AP2B1: variants seen among roughly 807,000 people sequenced by gnomAD.
AP2B1 encodes the protein adaptor related protein complex 2 subunit beta 1, also known as AP-2 complex subunit beta.
A neutral mutation model predicts 102.0 loss-of-function variants in AP2B1; 23 were observed. The observed-to-expected ratio is 0.23, with a 90% CI of 0.16 to 0.32. The LOEUF is 0.32. Among genes scored for constraint, AP2B1 ranks in the 10% least tolerant of loss-of-function variants. The pLI is 1.00. For missense variants in AP2B1, 541 were observed against 1,157.4 expected, an observed-to-expected ratio of 0.47 and a Z score of 7.73; for synonymous variants, 381 against 421.2, an observed-to-expected ratio of 0.90 and a Z score of 1.17.
intron 9 of AP2B1, 127 bp downstream of exon 9, chr17:35,627,853 T>G (rs2074359605): frequency 1.3e-6 from 1 of 750,630 alleles, no homozygotes; most frequent in Admixed American, 3.4e-5. Flanking sequence ...TAAAGAATTT[T>G]TAATGGAAAG....
Position 35,624,405 on chromosome 17 carries a change from T to G in AP2B1, c.534T>G (p.Ala178=), listed in dbSNP as rs1233582369. Residue 178 remains alanine, a synonymous_variant, in exon 6 of 22, where the codon GCT becomes GCG. Coordinates refer to ENST00000610402, the MANE Select transcript of AP2B1 (RefSeq NM_001030006.2). ...LIADSNPMVV[A]NAVAALSEIS... Reference sequence around the variant, plus strand: ...ACCCCCTTCTTTTCCAGGTGGTGGCTAATGCCGTAGCGGCATTATCTGAAA... The same window carrying G: ...ACCCCCTTCTTTTCCAGGTGGTGGCGAATGCCGTAGCGGCATTATCTGAAA... The G allele has an allele frequency of 2.0e-5, 32 of 1,613,954 alleles. No homozygotes were observed. The highest frequency in any genetic ancestry group is 2.7e-5 in the Non-Finnish European group (32 of 1,179,978).
intron 12 of AP2B1, among the ~76,000 whole-genome samples, chr17:35,647,631 A>G (rs1047030220): frequency 2.6e-5 from 4 of 152,166 alleles, no homozygotes; most frequent in African/African-American, 7.2e-5. Context: ...GCAATGTTCT[A>G]TATGCTTTTC....
intron 18 of AP2B1, among the ~76,000 whole-genome samples, chr17:35,688,250 TC>T (rs1408106539): frequency 6.6e-6 from 1 of 152,218 alleles, no homozygotes; most frequent in Non-Finnish European, 1.5e-5. Flanking sequence ...TGTAGACTAT[TC>T]CATAGGTTTG....
At chr17:35,610,187 C>T (rs1265878783) in intron 5 of AP2B1, among the ~76,000 whole-genome samples, 2 of 150,858 alleles carry the variant, frequency 1.3e-5, no homozygotes, top group African/African-American at 4.9e-5. Context: ...CTCTGTCGCC[C>T]AGTCTGGAGT....
At chr17:35,626,571 C>A in intron 6 of AP2B1, 50 bp from the exon 7 acceptor site, 1 of 1,419,866 alleles carries the variant, frequency 7.0e-7, no homozygotes, top group South Asian at 1.2e-5. Flanking sequence ...AGAATGAATT[C>A]AGCAAATAAA....
intron 14 of AP2B1, among the ~76,000 whole-genome samples, chr17:35,664,944 C>G (rs1055819708): frequency 6.6e-6 from 1 of 152,086 alleles, no homozygotes; most frequent in Non-Finnish European, 1.5e-5. Flanking sequence ...TACTTTTCCA[C>G]TGATAGAAGC....
chr17:35,639,848 T>G lies in AP2B1; in HGVS notation c.1437+88T>G, dbSNP rs1188005058. 63 of 1,172,858 alleles carry G rather than the reference T, an allele frequency of 5.4e-5. No homozygotes were observed. The Middle Eastern group carries it at 8.0e-4, about 15-fold the overall frequency. 72.7% of individuals were successfully genotyped at this position (1,172,858 alleles called of 1,614,324 possible). ...AGCAAAGGTTATAGGCAGTTTCTTC[T>G]GTGTCTGTATTTACATATAGTATGT... is the stretch of plus-strand genomic sequence containing the variant. On this transcript the variant is annotated intron_variant, in intron 11 of 21. Coordinates refer to ENST00000610402, the MANE Select transcript of AP2B1 (RefSeq NM_001030006.2).
At chr17:35,691,229 A>AT (rs2076035052) in intron 18 of AP2B1, among the ~76,000 whole-genome samples, 1 of 152,150 alleles carries the variant, frequency 6.6e-6, no homozygotes, top group Admixed American at 6.5e-5. Context: ...ATGTCTTAAG[A>AT]TCATTGTCAG....
rs782184702 is a variant in AP2B1, at chr17:35,717,359, T to C, written c.2781+10T>C. On this transcript the variant is annotated intron_variant, in intron 21 of 21. Transcript: ENST00000610402. ...AAACCCCAATTACACGGTAAGGCCT[T>C]TCTCAGAATGGGTGAGATGGATTAG... 1 of 1,614,060 alleles carries C rather than the reference T, an allele frequency of 6.2e-7. No individual in the cohort carries two copies.
intron 18 of AP2B1, among the ~76,000 whole-genome samples, chr17:35,693,760 ACTT>A (rs10601265): frequency 0.5 from 75,235 of 151,636 alleles, 18,683 homozygotes; most frequent in East Asian, 0.52. Flanking sequence ...AAAGCACAGA[ACTT>A]CTCGATTCCA....
intron 18 of AP2B1, among the ~76,000 whole-genome samples, chr17:35,684,541 C>CT (rs587691373): frequency 8.1e-4 from 124 of 152,240 alleles, no homozygotes; most frequent in African/African-American, 2.9e-3. Flanking sequence ...AGTTGACTGC[C>CT]TTTTTTTCAG....
chr17:35,657,457 C>A, intron 13 of AP2B1, 142 bp from the exon 14 acceptor site: 1 of 572,386 alleles, frequency 1.7e-6, no homozygotes, highest in Non-Finnish European at 2.9e-6. Flanking sequence ...TGAACATAAA[C>A]AAATGGTTAT....
At chr17:35,616,037 C>T (rs538148996) in intron 5 of AP2B1, among the ~76,000 whole-genome samples, 23 of 149,448 alleles carry the variant, frequency 1.5e-4, no homozygotes, top group Non-Finnish European at 2.7e-4. Flanking sequence ...TTTTTGTTTT[C>T]CTTTTATAAT....
rs567953730 is a variant in AP2B1 at position 35,667,884 on chromosome 17, T to C, written c.1990-2973T>C. On this transcript the variant is annotated intron_variant, in intron 14 of 21. Coordinates refer to ENST00000610402, the MANE Select transcript of AP2B1 (RefSeq NM_001030006.2). ...AACCACCTCAGAGTATCAGGACAAATGAAACATTTTTCGTAGGATCCTTTC... is the reference window on the plus strand; with the variant it reads ...AACCACCTCAGAGTATCAGGACAAACGAAACATTTTTCGTAGGATCCTTTC... Among the ~76,000 whole-genome samples the C allele has an allele frequency of 1.2e-4, 18 of 151,174 alleles. No individual in the cohort carries two copies. The East Asian group carries it at 3.5e-3, about 29-fold the overall frequency.
At chr17:35,662,244 CT>C (rs2075372218) in intron 14 of AP2B1, among the ~76,000 whole-genome samples, 1 of 152,138 alleles carries the variant, frequency 6.6e-6, no homozygotes, top group African/African-American at 2.4e-5. Context: ...GGATTTCTAC[CT>C]ATTCTTTTTA....
At chr17:35,624,818 T>C (rs1394757089) in intron 6 of AP2B1, among the ~76,000 whole-genome samples, 2 of 152,252 alleles carry the variant, frequency 1.3e-5, no homozygotes, top group Non-Finnish European at 2.9e-5. Context: ...TGCTAAAATC[T>C]CTTTTATCGT....
At chr17:35,722,293 A>G (rs1164457497) in intron 21 of AP2B1, among the ~76,000 whole-genome samples, 1 of 152,180 alleles carries the variant, frequency 6.6e-6, no homozygotes, top group Non-Finnish European at 1.5e-5. Context: ...GAAATGCCTA[A>G]AGATGCAACT....
At chr17:35,613,181 A>G (rs978786023) in intron 5 of AP2B1, among the ~76,000 whole-genome samples, 1 of 150,652 alleles carries the variant, frequency 6.6e-6, no homozygotes, top group African/African-American at 2.4e-5. Context: ...AAAAGAATGA[A>G]TGCTTCCAGG....
At chr17:35,600,871 A>G (rs1293821329) in intron 3 of AP2B1, 6 of 359,262 alleles carry the variant, frequency 1.7e-5, no homozygotes, top group Non-Finnish European at 1.9e-5. Flanking sequence ...TGCTTCCCTA[A>G]CCAGACGGGG....
Sources: allele counts gnomAD v4.1 joint callset (sites outside exome capture counted in the v4.1 genomes callset), GRCh38; gene constraint gnomAD v4.1.1; transcripts MANE v1.5; gene names NCBI Gene and HGNC (gene_info 2026-07-23, HGNC 2026-07-21).